The following TRIM39 variants were observed in gnomAD, a reference collection of about 807,000 sequenced individuals.
TRIM39 encodes the protein E3 ubiquitin-protein ligase TRIM39.
A neutral mutation model predicts 53.6 loss-of-function variants in TRIM39; 5 were observed. The ratio of observed to expected loss-of-function variants is 0.09; its 90% CI spans 0.05 to 0.20. The LOEUF is 0.20. Ranked by LOEUF, TRIM39 falls within the 10% of genes least tolerant of loss-of-function variation. TRIM39 has a pLI of 1.00. For missense variants in TRIM39, 310 were observed against 621.0 expected, an observed-to-expected ratio of 0.50 and a Z score of 5.32; for synonymous variants, 196 against 237.6, an observed-to-expected ratio of 0.82 and a Z score of 1.61.
intron 3 of TRIM39, 62 bp downstream of exon 3, chr6:30,329,832 T>G: frequency 1.3e-6 from 2 of 1,557,964 alleles, no homozygotes; most frequent in Non-Finnish European, 1.7e-6. Flanking sequence ...GAGGATGAGA[T>G]ACTCCCTAGG....
intron 6 of TRIM39, 119 bp from the exon 7 acceptor site, chr6:30,340,385 GA>G: frequency 6.2e-7 from 1 of 1,611,066 alleles, no homozygotes; most frequent in Non-Finnish European, 8.5e-7. Context: ...GGAGGAGGAA[GA>G]AAGTGGGAAG....
At position 30,339,189 on chromosome 6, in the gene TRIM39, G is replaced by A. The variant is rs1032361720; in HGVS notation, c.781-719G>A. 6.0e-5 allele frequency among the ~76,000 whole-genome samples: 9 copies of A among 150,664 alleles called. No homozygotes were observed. Among genetic ancestry groups the A allele is most frequent in the African/African-American group, 2.2e-4 (9 of 40,830 alleles). On this transcript the variant is annotated intron_variant, in intron 5 of 7. Coordinates refer to ENST00000396551, the Ensembl canonical transcript of TRIM39. The surrounding 1 kb of genome is among the most constrained non-coding windows in gnomAD (Gnocchi z 4.2). ...TTTTCTGAGAGAGTCTTGCTCTGTC[G>A]CCCAGGCTGGAGTGCAGTGCATGAT...
rs767636881 is a variant in TRIM39 at position 30,341,782 on chromosome 6, G to A, written c.990G>A (p.Lys330=). 4 of 1,613,054 alleles carry A rather than the reference G, an allele frequency of 2.5e-6. No homozygotes were observed. The South Asian group carries it at 4.4e-5, about 18-fold the overall frequency. Residue 330 remains lysine (K), a synonymous_variant, in exon 8 of 8, where the codon AAG becomes AAA. Coordinates refer to ENST00000396551, the Ensembl canonical transcript of TRIM39. ...TGTCAGAGGATCGTAAGAGCGTCAA[G>A]TTCGTGGAGACAAGACTCCGGGATC...
At chr6:30,340,442 T>A in intron 6 of TRIM39, 63 bp from the exon 7 acceptor site, 1 of 1,610,502 alleles carries the variant, frequency 6.2e-7, no homozygotes, top group South Asian at 1.1e-5. Context: ...ATCTGAATAG[T>A]CACTTGGCTG....
At chr6:30,330,152 C>G (rs146304613) in intron 3 of TRIM39, among the ~76,000 whole-genome samples, 7 of 152,330 alleles carry the variant, frequency 4.6e-5, no homozygotes, top group African/African-American at 1.7e-4. Flanking sequence ...GGTTATTGGG[C>G]ATAGGTAATA....
exon 7 of TRIM39, chr6:30,340,545 A>T: frequency 6.2e-7 from 1 of 1,613,104 alleles, no homozygotes; most frequent in South Asian, 1.1e-5. Context: ...TTCAGTATCC[A>T]TAGAGCTGGA....
intron 4 of TRIM39, among the ~76,000 whole-genome samples, chr6:30,334,065 A>C (rs950453620): frequency 5.3e-5 from 8 of 152,336 alleles, no homozygotes; most frequent in Non-Finnish European, 1.0e-4. Context: ...GTTCAGATGT[A>C]CACTGAGAAG....
At chr6:30,340,424 A>G in intron 6 of TRIM39, 81 bp from the exon 7 acceptor site, 1 of 1,610,206 alleles carries the variant, frequency 6.2e-7, no homozygotes, top group Non-Finnish European at 8.5e-7. Context: ...CTCCCTAAAA[A>G]TGTTAACATC....
chr6:30,337,030 G>A (rs1375906785), intron 5 of TRIM39, among the ~76,000 whole-genome samples: 2 of 152,192 alleles, frequency 1.3e-5, no homozygotes, highest in African/African-American at 4.8e-5. Flanking sequence ...AGAACTTTTG[G>A]GTGATCAAGT....
In TRIM39 at chr6:30,335,622, C is replaced by G; in HGVS notation, c.550-123C>G. 1 of 1,327,300 alleles carries G rather than the reference C, an allele frequency of 7.5e-7. No homozygotes were observed. Among genetic ancestry groups the G allele is most frequent in the Non-Finnish European group, 1.0e-6 (1 of 988,502 alleles). 82.2% of individuals were successfully genotyped at this position (1,327,300 alleles called of 1,614,324 possible). A position where few individuals can be genotyped will look rare whatever the true frequency, so the allele number is the denominator to read the frequency against. On this transcript the variant is annotated intron_variant, in intron 4 of 7. Coordinates refer to ENST00000396551, the Ensembl canonical transcript of TRIM39. The surrounding 1 kb of genome is among the most constrained non-coding windows in gnomAD (Gnocchi z 4.7). ...ACAGTCATGTGTCACCACACCCAGC[C>G]TTTGTTAAACCATTTTCAATGAAAC... is the stretch of plus-strand genomic sequence containing the variant.
At chr6:30,330,945 T>C (rs756402010) in intron 4 of TRIM39, 69 bp downstream of exon 4, 17 of 1,531,724 alleles carry the variant, frequency 1.1e-5, no homozygotes, top group Non-Finnish European at 1.4e-5. Flanking sequence ...AACTGTACAC[T>C]ATTTAATCCA....
intron 7 of TRIM39, 45 bp from the exon 8 acceptor site, chr6:30,341,667 T>C (rs1327017686): frequency 6.4e-7 from 1 of 1,568,306 alleles, no homozygotes; most frequent in Non-Finnish European, 8.6e-7. Flanking sequence ...GGCATTTAGC[T>C]ATTCCCATCC....
In TRIM39 at chr6:30,342,103, C is replaced by A; in HGVS notation, c.1311C>A (p.Gly437=). The A allele has an allele frequency of 6.2e-7, 1 of 1,613,106 alleles. No individual in the cohort carries two copies. Among genetic ancestry groups the A allele is most frequent in the South Asian group, 1.1e-5 (1 of 91,084 alleles). Reference sequence around the variant, plus strand: ...GCATATTCCTAGACTATGAGGCCGGCACACTGTCTTTCTACAATGTCACAG... The same window carrying A: ...GCATATTCCTAGACTATGAGGCCGGAACACTGTCTTTCTACAATGTCACAG... Residue 437 remains glycine, a synonymous_variant, in exon 8 of 8, where the codon GGC becomes GGA. Transcript: ENST00000396551. The surrounding 1 kb of genome is among the most constrained non-coding windows in gnomAD (Gnocchi z 4.7).
Position 30,327,802 on chromosome 6 carries a change from A to G in TRIM39, c.-161+807A>G, listed in dbSNP as rs1309693033. 2.6e-5 allele frequency: 4 copies of G among 152,222 alleles called. No homozygotes were observed. In the East Asian group the frequency reaches 5.8e-4, roughly 22 times the overall value. 9.4% of individuals were successfully genotyped at this position (152,222 alleles called of 1,614,324 possible). ...AATCATCTGACTGAACTTCTCTCCT[A>G]TTGCTGACAGAAGAAATTCAAATCC... On this transcript the variant is annotated intron_variant, in intron 1 of 7. Coordinates refer to ENST00000396551, the Ensembl canonical transcript of TRIM39.
intron 4 of TRIM39, 67 bp downstream of exon 4, chr6:30,330,943 A>G: frequency 1.9e-6 from 3 of 1,543,566 alleles, no homozygotes; most frequent in Non-Finnish European, 2.7e-6. Context: ...TTAACTGTAC[A>G]CTATTTAATC....
chr6:30,327,128 C>T (rs1006170524), intron 1 of TRIM39, 133 bp downstream of exon 1: 1 of 152,516 alleles, frequency 6.6e-6, no homozygotes. Context: ...CCGCCCGCCT[C>T]GGGCCCGGGC....
At chr6:30,331,088 G>C (rs1268713981) in intron 4 of TRIM39, among the ~76,000 whole-genome samples, 8 of 152,108 alleles carry the variant, frequency 5.3e-5, no homozygotes, top group Admixed American at 2.0e-4. Flanking sequence ...TGGGCAACAT[G>C]GTGAAACCCT....
At position 30,339,939 on chromosome 6, in the gene TRIM39, T is replaced by C. The variant is rs761542230; in HGVS notation, c.803+9T>C. ...AAAAGTACCCTGGAAAAGTAAGTGA[T>C]TGTTGTATCTCTCTGAGTGAGTTAG... On this transcript the variant is annotated intron_variant, in intron 6 of 7. Transcript: ENST00000396551. This position sits in a 1 kb window ranked among gnomAD's most constrained non-coding sequence, Gnocchi z 4.2. The C allele has an allele frequency of 1.2e-6, 2 of 1,614,178 alleles. No homozygotes were observed. The highest frequency in any genetic ancestry group is 1.7e-5 in the Admixed American group (1 of 60,022).
exon 3 of TRIM39, chr6:30,329,714 C>T (rs1785882802): frequency 6.2e-7 from 1 of 1,613,010 alleles, no homozygotes; most frequent in East Asian, 2.2e-5. Flanking sequence ...TGCAATTTCC[C>T]ACACCCACCG....
Sources: gnomAD v4.1 joint callset for allele counts (sites outside exome capture counted in the v4.1 genomes callset) on GRCh38, gnomAD v4.1.1 for gene constraint, Gnocchi (gnomAD v3.1) non-coding constraint, MANE v1.5 for transcripts, NCBI Gene and HGNC (gene_info 2026-07-23, HGNC 2026-07-21) for gene names.